Variants in SATB2 observed in about 807,000 individuals in gnomAD.
SATB2 encodes the protein DNA-binding protein SATB2.
Under a neutral mutation model 73.4 loss-of-function variants are expected in SATB2, and 1 was observed. The observed-to-expected ratio is 0.01, with a 90% CI of 0.00 to 0.06. The LOEUF (loss-of-function observed/expected upper bound fraction) is 0.06. Ranked by LOEUF, SATB2 falls within the 10% of genes least tolerant of loss-of-function variation. SATB2 has a pLI of 1.00. For missense variants in SATB2, 459 were observed against 945.8 expected, an observed-to-expected ratio of 0.49 and a Z score of 6.75; for synonymous variants, 397 against 367.0, an observed-to-expected ratio of 1.08 and a Z score of -0.93.
chr2:199,311,183 C>T (rs1687584333), intron 9 of SATB2, among the ~76,000 whole-genome samples: 1 of 152,166 alleles, frequency 6.6e-6, no homozygotes, highest in Admixed American at 6.5e-5. Context: ...CAACAAGACC[C>T]TGTTCTTAAG....
At chr2:199,300,849 G>A (rs563343331) in intron 10 of SATB2, among the ~76,000 whole-genome samples, 63 of 152,188 alleles carry the variant, frequency 4.1e-4, no homozygotes, top group African/African-American at 1.4e-3. Context: ...AAGACTGAGC[G>A]AAGTGGAACC....
intron 3 of SATB2, among the ~76,000 whole-genome samples, chr2:199,384,800 T>C (rs1259898883): frequency 6.6e-6 from 1 of 152,236 alleles, no homozygotes; most frequent in Non-Finnish European, 1.5e-5. Context: ...ACAAGAATAC[T>C]GTGCAGATTA....
At chr2:199,434,441 A>G (rs574965187) in intron 2 of SATB2, among the ~76,000 whole-genome samples, 1 of 152,286 alleles carries the variant, frequency 6.6e-6, no homozygotes, top group East Asian at 1.9e-4. Flanking sequence ...ATTTTTTTAA[A>G]CTTTTTTTTT....
intron 10 of SATB2, among the ~76,000 whole-genome samples, chr2:199,280,593 A>G (rs1692457239): frequency 6.6e-6 from 1 of 152,088 alleles, no homozygotes; most frequent in African/African-American, 2.4e-5. Context: ...AGGCCTCTGA[A>G]ATGGCCGCTT....
chr2:199,327,030 G>A (rs1688048533), intron 8 of SATB2, among the ~76,000 whole-genome samples: 1 of 152,160 alleles, frequency 6.6e-6, no homozygotes, highest in South Asian at 2.1e-4. Flanking sequence ...ATACAATTCT[G>A]CTTCTATGCT....
At chr2:199,281,518 C>T (rs1692496714) in intron 10 of SATB2, among the ~76,000 whole-genome samples, 1 of 151,292 alleles carries the variant, frequency 6.6e-6, no homozygotes, top group Non-Finnish European at 1.5e-5. Flanking sequence ...TTAAAAGTAA[C>T]AACAATTGGT....
chr2:199,354,604 T>C (rs997019840), intron 6 of SATB2, among the ~76,000 whole-genome samples: 26 of 152,178 alleles, frequency 1.7e-4, no homozygotes, highest in African/African-American at 5.8e-4. Context: ...GTGAGACTTT[T>C]GGTAGCTATT....
At chr2:199,466,802 C>A (rs1486784125), upstream of SATB2, among the ~76,000 whole-genome samples, 1 of 152,236 alleles carries the variant, frequency 6.6e-6, no homozygotes, top group Non-Finnish European at 1.5e-5. Context: ...TATTCTTTTT[C>A]TGTCTGTGTC....
intron 5 of SATB2, among the ~76,000 whole-genome samples, chr2:199,373,342 GA>G (rs1047996040): frequency 6.6e-6 from 1 of 151,940 alleles, no homozygotes; most frequent in East Asian, 1.9e-4. Flanking sequence ...TAGGTAATGG[GA>G]AAAAAACTGA....
intron 6 of SATB2, among the ~76,000 whole-genome samples, chr2:199,365,983 T>G (rs1026735320): frequency 1.3e-5 from 2 of 152,138 alleles, no homozygotes; most frequent in African/African-American, 4.8e-5. Flanking sequence ...TGTTTTTGAT[T>G]AAGAAGCAAC....
intron 2 of SATB2, among the ~76,000 whole-genome samples, chr2:199,448,278 A>G (rs1346456096): frequency 6.6e-6 from 1 of 152,194 alleles, no homozygotes; most frequent in Non-Finnish European, 1.5e-5. Context: ...AATATAGGAC[A>G]TAATTGGGAA....
At chr2:199,425,754 T>C (rs929790692) in intron 3 of SATB2, among the ~76,000 whole-genome samples, 1 of 152,204 alleles carries the variant, frequency 6.6e-6, no homozygotes, top group African/African-American at 2.4e-5. Flanking sequence ...TACAGAACTA[T>C]AAATATTATA....
chr2:199,273,501 C>T (rs1293984477), intron 10 of SATB2, among the ~76,000 whole-genome samples: 1 of 152,110 alleles, frequency 6.6e-6, no homozygotes. Context: ...AAAATCAATC[C>T]TTTGTAAAAT....
At chr2:199,400,453 G>C (rs981734592) in intron 3 of SATB2, among the ~76,000 whole-genome samples, 1 of 152,188 alleles carries the variant, frequency 6.6e-6, no homozygotes, top group African/African-American at 2.4e-5. Context: ...GTTGCACTAG[G>C]TGTTGTGCCA....
At chr2:199,435,020 G>A (rs1691611308) in intron 2 of SATB2, among the ~76,000 whole-genome samples, 1 of 151,918 alleles carries the variant, frequency 6.6e-6, no homozygotes, top group Admixed American at 6.6e-5. Flanking sequence ...AAAGATCATG[G>A]TAATTATTAT....
chr2:199,387,054 A>C (rs983307845), intron 3 of SATB2, among the ~76,000 whole-genome samples: 12 of 152,198 alleles, frequency 7.9e-5, no homozygotes, highest in Non-Finnish European at 1.2e-4. Flanking sequence ...GTTACTTTAC[A>C]GTTTGCACAG....
chr2:199,396,435 C>T (rs1441586881), intron 3 of SATB2: 1 of 152,134 alleles, frequency 6.6e-6, no homozygotes, highest in Admixed American at 6.5e-5. Flanking sequence ...ATTTAAGATA[C>T]TTGTTATTAC....
intron 3 of SATB2, among the ~76,000 whole-genome samples, chr2:199,414,917 A>T (rs1690930008): frequency 6.6e-6 from 1 of 152,168 alleles, no homozygotes; most frequent in Non-Finnish European, 1.5e-5. Context: ...GCAGGCTGTG[A>T]CAGAGAGCCA....
chr2:199,370,889 T>C (rs1235574246), intron 5 of SATB2, among the ~76,000 whole-genome samples: 1 of 150,812 alleles, frequency 6.6e-6, no homozygotes, highest in Admixed American at 6.6e-5. Flanking sequence ...ATAAATAAGT[T>C]GTTACCTCTA....
Sources: gnomAD v4.1 joint callset for allele counts (sites outside exome capture counted in the v4.1 genomes callset) on GRCh38, gnomAD v4.1.1 for gene constraint, MANE v1.5 for transcripts, NCBI Gene and HGNC (gene_info 2026-07-23, HGNC 2026-07-21) for gene names.